SNRPN: variants seen among roughly 807,000 people sequenced by gnomAD.
SNRPN encodes small nuclear ribonucleoprotein polypeptide N.
A neutral mutation model predicts 25.2 loss-of-function variants in SNRPN; 7 were observed. The ratio of observed to expected loss-of-function variants is 0.28; its 90% CI spans 0.16 to 0.52. The LOEUF (loss-of-function observed/expected upper bound fraction) is 0.52. SNRPN is among the 20% of genes least tolerant of loss of function. SNRPN has a pLI of 0.96. For synonymous variants in SNRPN, 124 were observed against 110.6 expected, an observed-to-expected ratio of 1.12 and a Z score of -0.76; for missense variants, 196 against 322.5, an observed-to-expected ratio of 0.61 and a Z score of 3.00.
At position 24,973,460 on chromosome 15, in the gene SNRPN, C is replaced by T. The variant is rs541302562; in HGVS notation, c.-143-851C>T. The stretch of plus-strand genomic sequence containing the variant: ...TTGCCCAGGCTGGAGTGCAGTGGCG[C>T]GATCTCAGCTCACTGCAACCTCTGC... On this transcript the variant is annotated intron_variant, in intron 3 of 9. Coordinates refer to ENST00000390687, the MANE Select transcript of SNRPN (RefSeq NM_003097.6). Among the ~76,000 whole-genome samples the T allele has an allele frequency of 2.1e-4, 32 of 152,120 alleles. No homozygotes were observed. The South Asian group carries it at 3.3e-3, about 16-fold the overall frequency.
chr15:24,956,449 C>T (rs2062914672), intron 1 of SNRPN, among the ~76,000 whole-genome samples: 1 of 152,020 alleles, frequency 6.6e-6, no homozygotes, highest in Non-Finnish European at 1.5e-5. Context: ...TCAGCCGTAC[C>T]CTCTTTAGGG....
intron 2 of SNRPN, among the ~76,000 whole-genome samples, chr15:24,842,580 C>T (rs1057476220): frequency 2.6e-5 from 4 of 152,072 alleles, no homozygotes; most frequent in Admixed American, 6.6e-5. Flanking sequence ...GCAGACATGG[C>T]GCATTGAGCA....
At chr15:24,888,892 T>G (rs1414227563) in intron 2 of SNRPN, among the ~76,000 whole-genome samples, 1 of 151,922 alleles carries the variant, frequency 6.6e-6, no homozygotes, top group Non-Finnish European at 1.5e-5. Context: ...TCTGTGAAAT[T>G]TATGCATCTG....
intron 3 of SNRPN, among the ~76,000 whole-genome samples, chr15:24,927,477 T>TTTTTTTTC: frequency 2.7e-4 from 1 of 3,752 alleles, no homozygotes; most frequent in Non-Finnish European, 7.1e-4. Flanking sequence ...AGTTTTTAAA[T>TTTTTTTTC]TTTTTTTTTT....
upstream of SNRPN, among the ~76,000 whole-genome samples, chr15:24,853,039 T>C (rs1160029277): frequency 6.6e-6 from 1 of 152,184 alleles, no homozygotes; most frequent in Non-Finnish European, 1.5e-5. Flanking sequence ...CTGTTAAGCT[T>C]GACAGTGCTT....
At chr15:24,937,362 A>G (rs1056609757) in intron 3 of SNRPN, among the ~76,000 whole-genome samples, 1 of 152,140 alleles carries the variant, frequency 6.6e-6, no homozygotes, top group Non-Finnish European at 1.5e-5. Flanking sequence ...CAAAACAAAA[A>G]AAACGAAAAA....
chr15:24,880,772 C>G (rs2056501981), intron 1 of SNRPN, among the ~76,000 whole-genome samples: 2 of 151,826 alleles, frequency 1.3e-5, no homozygotes, highest in Admixed American at 6.6e-5. Context: ...GAGACAGAGT[C>G]TTGCTCTGTT....
chr15:24,943,967 G>T (rs375123274), intron 3 of SNRPN, among the ~76,000 whole-genome samples: 2 of 151,984 alleles, frequency 1.3e-5, no homozygotes, highest in African/African-American at 2.4e-5. Context: ...GATTACAGGG[G>T]TGCACTACCA....
chr15:24,870,595 C>G (rs2055001418), intron 1 of SNRPN, among the ~76,000 whole-genome samples: 1 of 149,218 alleles, frequency 6.7e-6, no homozygotes, highest in African/African-American at 2.4e-5. Context: ...TTCATCCACA[C>G]TCTCATGAAG....
chr15:24,840,475 A>G (rs1170824461), intron 2 of SNRPN, among the ~76,000 whole-genome samples: 1 of 152,234 alleles, frequency 6.6e-6, no homozygotes, highest in Non-Finnish European at 1.5e-5. Context: ...AGAGACATCC[A>G]TCACTGTGCA....
At chr15:24,977,385 A>G (rs1442470665) in intron 7 of SNRPN, among the ~76,000 whole-genome samples, 2 of 152,026 alleles carry the variant, frequency 1.3e-5, no homozygotes, top group East Asian at 3.9e-4. Flanking sequence ...TACGCCTGTA[A>G]TCCAGCACTT....
chr15:24,974,269 A>G (rs931643677), intron 3 of SNRPN, 42 bp from the exon 4 acceptor site: 4 of 610,998 alleles, frequency 6.5e-6, no homozygotes, highest in African/African-American at 1.9e-5. Context: ...GTTTTAAAAC[A>G]TGGTAGATTG....
At chr15:24,864,426 C>G (rs1055376785) in intron 1 of SNRPN, among the ~76,000 whole-genome samples, 2 of 148,716 alleles carry the variant, frequency 1.3e-5, no homozygotes, top group Non-Finnish European at 3.0e-5. Flanking sequence ...TCGCTGCAAC[C>G]TCTGCCTCCC....
chr15:24,911,225 G>A (rs574795625), intron 2 of SNRPN: 36 of 451,496 alleles, frequency 8.0e-5, no homozygotes, highest in African/African-American at 7.2e-4. Context: ...GCCTGGCCTT[G>A]TAAAGAATTT....
chr15:24,847,292 A>G (rs183498465), intron 2 of SNRPN, among the ~76,000 whole-genome samples: 94 of 152,302 alleles, frequency 6.2e-4, no homozygotes, highest in Admixed American at 2.2e-3. Context: ...AAAAAAGGTG[A>G]GGCCCAGGAA....
At chr15:24,895,695 G>A (rs2058044989) in intron 2 of SNRPN, among the ~76,000 whole-genome samples, 2 of 152,052 alleles carry the variant, frequency 1.3e-5, no homozygotes, top group South Asian at 4.2e-4. Context: ...CGTTACAAAG[G>A]TACTCTCTTT....
intron 3 of SNRPN, among the ~76,000 whole-genome samples, chr15:24,921,485 C>A (rs927457345): frequency 6.6e-6 from 1 of 152,116 alleles, no homozygotes; most frequent in African/African-American, 2.4e-5. Flanking sequence ...AACTGTGATA[C>A]GGAATCCTAA....
At chr15:24,939,675 CA>C (rs1566934282) in intron 3 of SNRPN, among the ~76,000 whole-genome samples, 1 of 151,988 alleles carries the variant, frequency 6.6e-6, no homozygotes, top group Non-Finnish European at 1.5e-5. Flanking sequence ...TCGAATGATC[CA>C]CCCACCTCGG....
chr15:24,893,992 A>G (rs1427513470), intron 2 of SNRPN, among the ~76,000 whole-genome samples: 6 of 152,186 alleles, frequency 3.9e-5, no homozygotes, highest in Non-Finnish European at 7.4e-5. Context: ...GGTGCAAAAA[A>G]TGCAGCCCTC....
Sources: allele counts gnomAD v4.1 joint callset (sites outside exome capture counted in the v4.1 genomes callset), GRCh38; gene constraint gnomAD v4.1.1; transcripts MANE v1.5; gene names NCBI Gene and HGNC (gene_info 2026-07-23, HGNC 2026-07-21).